The following DHRSX variants were observed in gnomAD, a reference collection of about 807,000 sequenced individuals.
DHRSX encodes the protein dehydrogenase/reductase X-linked.
In DHRSX, 31 loss-of-function variants were observed where a neutral mutation model predicts 34.0. That is an observed-to-expected ratio of 0.91 (90% confidence interval 0.69 to 1.23). The LOEUF is 1.23. Ranked by LOEUF, DHRSX falls within the 50% of genes most tolerant of loss-of-function variation. The pLI, the probability that DHRSX is intolerant of heterozygous loss-of-function variation, is 0.00. For synonymous variants in DHRSX, 201 were observed against 183.8 expected, an observed-to-expected ratio of 1.09 and a Z score of -0.76; for missense variants, 414 against 428.1, an observed-to-expected ratio of 0.97 and a Z score of 0.29.
intron 1 of DHRSX, among the ~76,000 whole-genome samples, chrX:2,443,323 G>A (rs1233952042): frequency 6.6e-6 from 1 of 151,946 alleles, no homozygotes. Flanking sequence ...ACCAGCCACC[G>A]TGGCTGGCCC....
At chrX:2,447,214 A>C (rs1488425172) in intron 1 of DHRSX, among the ~76,000 whole-genome samples, 1 of 151,820 alleles carries the variant, frequency 6.6e-6, no homozygotes, top group East Asian at 1.9e-4. Context: ...CACACTGAAG[A>C]TATTCCCTAA....
chrX:2,375,026 A>G (rs934396054), intron 3 of DHRSX, among the ~76,000 whole-genome samples: 1 of 138,146 alleles, frequency 7.2e-6, no homozygotes, highest in Non-Finnish European at 1.7e-5. Flanking sequence ...GCCAGATAGC[A>G]CCACTACACT....
At chrX:2,301,533 C>A (rs1361318342) in intron 3 of DHRSX, among the ~76,000 whole-genome samples, 2 of 152,224 alleles carry the variant, frequency 1.3e-5, no homozygotes, top group Non-Finnish European at 2.9e-5. Flanking sequence ...CTGCGTGGAG[C>A]AGAGATGAGA....
At chrX:2,327,761 T>G (rs906835374) in intron 3 of DHRSX, among the ~76,000 whole-genome samples, 2 of 152,012 alleles carry the variant, frequency 1.3e-5, no homozygotes, top group African/African-American at 4.8e-5. Context: ...AGGCCCCTAA[T>G]CCGAGAAGAC....
chrX:2,444,932 A>G (rs1427969385), intron 1 of DHRSX, among the ~76,000 whole-genome samples: 1 of 152,130 alleles, frequency 6.6e-6, no homozygotes, highest in Non-Finnish European at 1.5e-5. Context: ...CGAGGCGGGC[A>G]GATCACCTGA....
chrX:2,493,968 G>A (rs1440108560), intron 1 of DHRSX, among the ~76,000 whole-genome samples: 2 of 148,216 alleles, frequency 1.3e-5, no homozygotes, highest in African/African-American at 2.5e-5. Flanking sequence ...GCAAAACTCC[G>A]TCTCAAAGAA....
intron 3 of DHRSX, among the ~76,000 whole-genome samples, chrX:2,319,448 CAGA>C (rs1447803289): frequency 2.0e-5 from 3 of 148,304 alleles, no homozygotes; most frequent in Non-Finnish European, 4.4e-5. Context: ...GAGGCTGAGG[CAGA>C]AGAAGTGCTT....
At chrX:2,363,364 C>T (rs2042958231) in intron 3 of DHRSX, among the ~76,000 whole-genome samples, 2 of 140,810 alleles carry the variant, frequency 1.4e-5, no homozygotes, top group Non-Finnish European at 3.0e-5. Context: ...TCCATTTTAT[C>T]ACTGTTCTAT....
chrX:2,315,667 C>G (rs1425043320), intron 3 of DHRSX, among the ~76,000 whole-genome samples: 1 of 152,060 alleles, frequency 6.6e-6, no homozygotes, highest in Non-Finnish European at 1.5e-5. Flanking sequence ...AAAACAACAC[C>G]CCTTTATGAT....
chrX:2,382,984 TCAG>T (rs374983795), intron 3 of DHRSX, among the ~76,000 whole-genome samples: 1 of 148,062 alleles, frequency 6.8e-6, no homozygotes, highest in Non-Finnish European at 1.5e-5. Context: ...ATCACCATCA[TCAG>T]CAGCATCATC....
At chrX:2,480,749 T>C (rs2044756401) in intron 1 of DHRSX, among the ~76,000 whole-genome samples, 2 of 152,084 alleles carry the variant, frequency 1.3e-5, no homozygotes, top group African/African-American at 4.8e-5. Flanking sequence ...AGCCAGGAGT[T>C]GGAGGCTGCC....
intron 1 of DHRSX, among the ~76,000 whole-genome samples, chrX:2,462,835 A>AT (rs1177002831): frequency 6.6e-6 from 1 of 151,848 alleles, no homozygotes; most frequent in Non-Finnish European, 1.5e-5. Context: ...CTATTACTGC[A>AT]TTTTTTTAAA....
chrX:2,384,528 A>C (rs1369252997), intron 3 of DHRSX, among the ~76,000 whole-genome samples: 1 of 152,186 alleles, frequency 6.6e-6, no homozygotes, highest in Non-Finnish European at 1.5e-5. Flanking sequence ...CAGAGGGTGG[A>C]ACCTCATGAG....
chrX:2,302,415 C>T (rs1463073397), intron 3 of DHRSX, among the ~76,000 whole-genome samples: 1 of 152,088 alleles, frequency 6.6e-6, no homozygotes, highest in African/African-American at 2.4e-5. Flanking sequence ...AGCTCAAGAC[C>T]AGCCTGGCCA....
chrX:2,248,556 T>C (rs1457877660), intron 5 of DHRSX, among the ~76,000 whole-genome samples: 1 of 136,992 alleles, frequency 7.3e-6, no homozygotes, highest in Non-Finnish European at 1.5e-5. Flanking sequence ...GAGGCTGCAA[T>C]GAGCCAAGAT....
At chrX:2,298,618 A>ACACACACACACACG (rs1261013637) in intron 3 of DHRSX, among the ~76,000 whole-genome samples, 5 of 135,364 alleles carry the variant, frequency 3.7e-5, no homozygotes, top group African/African-American at 1.5e-4. Context: ...ACACACACAC[A>ACACACACACACACG]CACACACACA....
intron 3 of DHRSX, among the ~76,000 whole-genome samples, chrX:2,325,111 T>A (rs760762595): frequency 6.6e-6 from 1 of 152,198 alleles, no homozygotes; most frequent in Admixed American, 6.6e-5. Context: ...CAAGTCATTT[T>A]CTAACAATGA....
At chrX:2,349,817 G>A (rs78538469) in intron 3 of DHRSX, among the ~76,000 whole-genome samples, 90,955 of 149,638 alleles carry the variant, frequency 0.61, 29,142 homozygotes, top group African/African-American at 0.84. Context: ...CGAGGCGGGC[G>A]GATCACGAGG....
chrX:2,291,351 G>A (rs751477304), intron 4 of DHRSX, 151 bp downstream of exon 4: 7 of 668,802 alleles, frequency 1.0e-5, no homozygotes, highest in Admixed American at 2.6e-5. Flanking sequence ...AAAGCTATCC[G>A]TGAAATGAAG....
Sources: gnomAD v4.1 joint callset for allele counts (sites outside exome capture counted in the v4.1 genomes callset) on GRCh38, gnomAD v4.1.1 for gene constraint, MANE v1.5 for transcripts, NCBI Gene and HGNC (gene_info 2026-07-23, HGNC 2026-07-21) for gene names.